C6orf58: variants seen among roughly 807,000 people sequenced by gnomAD.
C6orf58 encodes protein LEG1 homolog.
In C6orf58, 30 loss-of-function variants were observed where a neutral mutation model predicts 37.0. The observed-to-expected ratio is 0.81, with a 90% CI of 0.61 to 1.10. C6orf58 has a LOEUF of 1.10. Among genes scored for constraint, C6orf58 ranks in the 50% least tolerant of loss-of-function variants. The pLI, the probability that C6orf58 is intolerant of heterozygous loss-of-function variation, is 0.00. For missense variants in C6orf58, 368 were observed against 387.5 expected, an observed-to-expected ratio of 0.95 and a Z score of 0.42; for synonymous variants, 143 against 134.1, an observed-to-expected ratio of 1.07 and a Z score of -0.46.
intron 4 of C6orf58, among the ~76,000 whole-genome samples, chr6:127,589,249 G>A (rs1562161581): frequency 6.6e-6 from 1 of 152,170 alleles, no homozygotes. Context: ...AGGTGGGCTG[G>A]AATGCCCTTC....
intron 4 of C6orf58, among the ~76,000 whole-genome samples, chr6:127,585,519 A>G (rs976894486): frequency 6.6e-6 from 1 of 152,232 alleles, no homozygotes; most frequent in Non-Finnish European, 1.5e-5. Flanking sequence ...AAATGATCAA[A>G]AAACCTAATG....
rs1775001138 is a variant in C6orf58, at chr6:127,577,399, G to A, written c.214G>A (p.Ala72Thr). The A allele has an allele frequency of 5.0e-6, 8 of 1,613,602 alleles. No homozygotes were observed. Among genetic ancestry groups the A allele is most frequent in the Non-Finnish European group, 6.8e-6 (8 of 1,179,636 alleles). The change falls in exon 1 of 6, where the codon GCC becomes ACC. Residue 72 changes from alanine to threonine, a missense_variant. Transcript: ENST00000329722. Reference sequence around the variant, plus strand: ...GTATAAAATCATATTGAATCAGACAGCCAGGTATTTTGCAAAATTTGCACC... The same window carrying A: ...GTATAAAATCATATTGAATCAGACAACCAGGTATTTTGCAAAATTTGCACC... ...GMYKIILNQTARYFAKFAPDN... is the reference protein window; with the variant it reads ...GMYKIILNQTTRYFAKFAPDN...
At chr6:127,581,052 ACTTTTT>A (rs532090227) in intron 3 of C6orf58, 124 bp from the exon 4 acceptor site, 205 of 410,412 alleles carry the variant, frequency 5.0e-4, no homozygotes, top group African/African-American at 3.6e-3. Context: ...CCATATACAT[ACTTTTT>A]CTTAGAAATA....
chr6:127,581,050 A>G (rs1775044710), intron 3 of C6orf58, 132 bp from the exon 4 acceptor site: 2 of 409,166 alleles, frequency 4.9e-6, no homozygotes, highest in Admixed American at 8.5e-5. Context: ...GGCCATATAC[A>G]TACTTTTTCT....
intron 4 of C6orf58, among the ~76,000 whole-genome samples, chr6:127,581,561 AAATAT>A (rs751909554): frequency 6.6e-6 from 1 of 152,040 alleles, no homozygotes; most frequent in South Asian, 2.1e-4. Flanking sequence ...GTAGAAAACA[AAATAT>A]AATATAAATA....
intron 4 of C6orf58, among the ~76,000 whole-genome samples, chr6:127,583,521 C>T (rs1369842223): frequency 3.3e-5 from 5 of 151,998 alleles, no homozygotes; most frequent in African/African-American, 9.7e-5. Context: ...GGAAAAAAAA[C>T]GTTCCTAGTA....
chr6:127,582,007 A>G (rs191519541), intron 4 of C6orf58, among the ~76,000 whole-genome samples: 1 of 152,298 alleles, frequency 6.6e-6, no homozygotes, highest in East Asian at 1.9e-4. Context: ...ATTTTAGGCC[A>G]AACTTAATTT....
chr6:127,577,712 A>G (rs1676935444), intron 1 of C6orf58, among the ~76,000 whole-genome samples: 1 of 152,132 alleles, frequency 6.6e-6, no homozygotes, highest in Non-Finnish European at 1.5e-5. Context: ...GGCATAAGAC[A>G]TAGTTATCAA....
At chr6:127,591,474 A>G (rs1231759357) in intron 5 of C6orf58, 69 bp from the exon 6 acceptor site, 5 of 1,334,360 alleles carry the variant, frequency 3.7e-6, no homozygotes, top group Middle Eastern at 2.1e-4. Flanking sequence ...ATTATGAGCC[A>G]TATATTGCCA....
chr6:127,577,314 C>G lies in C6orf58; in HGVS notation c.129C>G (p.Tyr43Ter). 6.2e-7 allele frequency: 1 copy of G among 1,613,570 alleles called. No individual in the cohort carries two copies. The highest frequency in any genetic ancestry group is 8.5e-7 in the Non-Finnish European group (1 of 1,179,602). ...AGAGTCCTGGTCAGCTCAGTGACTA[C>G]AGGGTGGAGAACAGCATGTACATTA... ...WKESPGQLSD[Y>*]RVENSMYIIN... The change falls in exon 1 of 6, where the codon TAC becomes TAG. Residue 43 changes from tyrosine to a stop codon, truncating the protein, a stop_gained. Transcript: ENST00000329722. LOFTEE classifies it high-confidence loss of function.
At chr6:127,591,509 G>C (rs1317932456) in intron 5 of C6orf58, 34 bp from the exon 6 acceptor site, 2 of 1,489,100 alleles carry the variant, frequency 1.3e-6, no homozygotes, top group Non-Finnish European at 1.8e-6. Context: ...AAATTTGCAA[G>C]AGTTTACATG....
Position 127,590,201 on chromosome 6 carries a change from G to A in C6orf58, c.789G>A (p.Gln263=), listed in dbSNP as rs1398505681. The part of the protein sequence containing the change: ...PTTLIRSYKF[Q]KGMPPRILLN... ...CCTTGATTAGATCATATAAGTTCCA[G>A]AAGGGCATGCCACCACGAATTCTTC... Residue 263 remains glutamine (Q), a synonymous_variant, in exon 5 of 6, where the codon CAG becomes CAA. Transcript: ENST00000329722. 3.1e-6 allele frequency: 5 copies of A among 1,613,806 alleles called. No individual in the cohort carries two copies. Among genetic ancestry groups the A allele is most frequent in the East Asian group, 4.5e-5 (2 of 44,854 alleles).
In C6orf58 at chr6:127,577,441, AT is replaced by A; in HGVS notation, c.260del (p.Leu87TyrfsTer17). On this transcript the variant is annotated frameshift_variant, in exon 1 of 6. Transcript: ENST00000329722. LOFTEE classifies it high-confidence loss of function. ...ATTTGCACCAGATAATGAACAGAAT[AT>A]TTTATGGGGGTTGCCTCTGCAGTAT... ...AKFAPDNEQNILWGLPLQYGW... is the reference protein window; with the variant it reads ...AKFAPDNEQNXLWGLPLQYGW... 6.2e-7 allele frequency: 1 copy of A among 1,613,706 alleles called. No individual in the cohort carries two copies. Among genetic ancestry groups the A allele is most frequent in the South Asian group, 1.1e-5 (1 of 91,080 alleles).
Position 127,580,384 on chromosome 6 carries a change from TATG to T in C6orf58, c.512_514del (p.Asp171del). ...ACCCAAGAATGAGAGGAAGTTTTGT[TATG>T]ATGTTTCTAGCTGTCGTTCATCCTT... On this transcript the variant is annotated inframe_deletion, in exon 3 of 6. Transcript: ENST00000329722. 1 of 1,613,262 alleles carries T rather than the reference TATG, an allele frequency of 6.2e-7. No homozygotes were observed. Among genetic ancestry groups the T allele is most frequent in the Non-Finnish European group, 8.5e-7 (1 of 1,179,398 alleles).
chr6:127,591,266 A>G (rs1167264833), intron 5 of C6orf58, among the ~76,000 whole-genome samples: 1 of 152,148 alleles, frequency 6.6e-6, no homozygotes, highest in African/African-American at 2.4e-5. Context: ...TAATATAACA[A>G]TGACATTTTA....
chr6:127,589,807 T>C (rs1007844486), intron 4 of C6orf58, among the ~76,000 whole-genome samples: 7 of 152,176 alleles, frequency 4.6e-5, no homozygotes, highest in Non-Finnish European at 8.8e-5. Context: ...TTTTGGTTAT[T>C]AGGTGGTATT....
At position 127,590,280 on chromosome 6, in the gene C6orf58, G is replaced by A; in HGVS notation, c.868G>A (p.Val290Ile). The part of the protein sequence containing the change: ...ISDFTAFQNV[V>I]LVLLNMLDNV... Reference sequence around the variant, plus strand: ...TGACTTTACTGCTTTTCAGAATGTAGTCCTGGTTCTTCTAAATATGCTTGA... The same window carrying A: ...TGACTTTACTGCTTTTCAGAATGTAATCCTGGTTCTTCTAAATATGCTTGA... Residue 290 changes from valine to isoleucine, a missense_variant, in exon 5 of 6, where the codon GTC (valine) becomes ATC (isoleucine). Physicochemically the swap from Val to Ile is conservative, Grantham distance 29. Coordinates refer to ENST00000329722, the MANE Select transcript of C6orf58 (RefSeq NM_001010905.3). 1 of 1,612,768 alleles carries A rather than the reference G, an allele frequency of 6.2e-7. No homozygotes were observed. The highest frequency in any genetic ancestry group is 8.5e-7 in the Non-Finnish European group (1 of 1,179,526).
At chr6:127,591,505 G>A (rs371933828) in intron 5 of C6orf58, 38 bp from the exon 6 acceptor site, 66 of 1,479,382 alleles carry the variant, frequency 4.5e-5, no homozygotes, top group South Asian at 2.7e-4. Context: ...TAAAAAATTT[G>A]CAAGAGTTTA....
intron 2 of C6orf58, among the ~76,000 whole-genome samples, chr6:127,579,393 A>G (rs931580045): frequency 1.3e-5 from 2 of 152,228 alleles, no homozygotes; most frequent in Admixed American, 1.3e-4. Flanking sequence ...TCAGGGCAAC[A>G]CACATCATAT....
Sources: gnomAD v4.1 joint callset for allele counts (sites outside exome capture counted in the v4.1 genomes callset) on GRCh38, gnomAD v4.1.1 for gene constraint, MANE v1.5 for transcripts, NCBI Gene and HGNC (gene_info 2026-07-23, HGNC 2026-07-21) for gene names.